Variants in GALC observed in about 807,000 individuals in gnomAD.
GALC encodes galactosylceramidase.
A neutral mutation model predicts 91.8 loss-of-function variants in GALC; 77 were observed. The ratio of observed to expected loss-of-function variants is 0.84; its 90% CI spans 0.70 to 1.01. GALC has a LOEUF of 1.01. Ranked by LOEUF, GALC falls within the 50% of genes least tolerant of loss-of-function variation. GALC has a pLI of 0.00. For synonymous variants in GALC, 357 were observed against 306.7 expected, an observed-to-expected ratio of 1.16 and a Z score of -1.71; for missense variants, 882 against 855.9, an observed-to-expected ratio of 1.03 and a Z score of -0.38.
rs1332769702 is a variant in GALC at position 87,988,177 on chromosome 14, T to C, written c.295A>G (p.Lys99Glu). 6 of 1,613,696 alleles carry C rather than the reference T, an allele frequency of 3.7e-6. No homozygotes were observed. The African/African-American group carries it at 6.7e-5, about 18-fold the overall frequency. Residue 99 changes from lysine to glutamate, a missense_variant, in exon 3 of 17, where the codon AAA (lysine) becomes GAA (glutamate). Lys to Glu is a moderately conservative substitution (Grantham distance 56). Transcript: ENST00000261304. The stretch of plus-strand genomic sequence containing the variant: ...TGCCCATCACCACCTATTTCCACTT[T>C]TAAAATATGCAAAGAGGCACCAAAA... The part of the protein sequence containing the change: ...PNFGASLHIL[K>E]VEIGGDGQTT...
intron 10 of GALC, chr14:87,955,333 T>G (rs17760198): frequency 0.12 from 72,059 of 586,718 alleles, 5,193 homozygotes; most frequent in Non-Finnish European, 0.15. Flanking sequence ...GAATTTCAAT[T>G]AAAACTTTTT....
At position 87,965,610 on chromosome 14, in the gene GALC, C is replaced by G; in HGVS notation, c.928G>C (p.Val310Leu). Residue 310 changes from valine (V) to leucine (L), a missense_variant, in exon 9 of 17, where the codon GTG becomes CTG. Val to Leu is a conservative substitution (Grantham distance 32). Coordinates refer to ENST00000261304, the MANE Select transcript of GALC (RefSeq NM_000153.4). ...GGCAACTGTTCATAGTAACTAGCCA[C>G]TAAATTCCATGCGATTGTGCTAAAA... ...YMTSTIAWNLVASYYEQLPYG... is the reference protein window; with the variant it reads ...YMTSTIAWNLLASYYEQLPYG... The G allele has an allele frequency of 2.5e-6, 4 of 1,613,338 alleles. No individual in the cohort carries two copies. Among genetic ancestry groups the G allele is most frequent in the Non-Finnish European group, 3.4e-6 (4 of 1,179,572 alleles).
intron 4 of GALC, among the ~76,000 whole-genome samples, chr14:87,984,963 A>T (rs1441999388): frequency 1.3e-5 from 2 of 152,180 alleles, no homozygotes; most frequent in African/African-American, 4.8e-5. Context: ...GTATAACACA[A>T]ATTTATCATT....
chr14:87,993,600 T>C (rs776599054), upstream of GALC: 10 of 841,658 alleles, frequency 1.2e-5, no homozygotes, highest in Non-Finnish European at 1.9e-5. Context: ...GCCTGAGTTT[T>C]CCCTTATGTG....
chr14:87,984,984 T>C (rs989974157), intron 4 of GALC, among the ~76,000 whole-genome samples: 1 of 152,204 alleles, frequency 6.6e-6, no homozygotes, highest in Non-Finnish European at 1.5e-5. Flanking sequence ...CAATTGTACA[T>C]CTTCTTACAA....
At chr14:87,963,227 G>T in intron 10 of GALC, 157 bp downstream of exon 10, 3 of 687,682 alleles carry the variant, frequency 4.4e-6, no homozygotes, top group East Asian at 5.7e-5. Context: ...TATGTTTTAC[G>T]ACTCATGGCT....
At chr14:87,993,383 T>C (rs1315783402), upstream of GALC, 1 of 1,535,734 alleles carries the variant, frequency 6.5e-7, no homozygotes, top group Non-Finnish European at 8.7e-7. Context: ...ATGTACTTAC[T>C]GCTGGCTTCT....
intron 13 of GALC, among the ~76,000 whole-genome samples, chr14:87,945,950 A>G (rs984211305): frequency 6.6e-6 from 1 of 152,088 alleles, no homozygotes; most frequent in Admixed American, 6.6e-5. Flanking sequence ...TAGATGCTGC[A>G]TAATATTTAA....
chr14:87,970,005 G>T (rs1289247208), intron 7 of GALC, among the ~76,000 whole-genome samples: 1 of 152,170 alleles, frequency 6.6e-6, no homozygotes, highest in Non-Finnish European at 1.5e-5. Context: ...CAGAAATCTA[G>T]CATCTAACAG....
At chr14:87,954,600 C>T in intron 10 of GALC, 1 of 1,588,134 alleles carries the variant, frequency 6.3e-7, no homozygotes, top group South Asian at 1.1e-5. Context: ...CAAAAAAGTG[C>T]ACCTTCCTTT....
At chr14:87,954,045 G>A (rs1280235666) in intron 10 of GALC, 15 of 1,609,668 alleles carry the variant, frequency 9.3e-6, no homozygotes, top group Admixed American at 1.7e-5. Context: ...ATGGGTTGGC[G>A]AGACAGTACT....
chr14:87,952,269 C>G (rs78140438), intron 10 of GALC, among the ~76,000 whole-genome samples: 1 of 151,724 alleles, frequency 6.6e-6, no homozygotes, highest in Non-Finnish European at 1.5e-5. Flanking sequence ...AAAACATACA[C>G]TTCAACAATA....
rs530801820 is a variant in GALC, at chr14:87,947,488, T to G, written c.1489+240A>C. On this transcript the variant is annotated intron_variant, in intron 13 of 16. Coordinates refer to ENST00000261304, the MANE Select transcript of GALC (RefSeq NM_000153.4). ...CCAAAAACAAATCAGAACTATAACT[T>G]TCATTCTAACAATGAACCCTATATT... 1.3e-4 allele frequency among the ~76,000 whole-genome samples: 20 copies of G among 152,162 alleles called. No homozygotes were observed. In the South Asian group the frequency reaches 4.1e-3, roughly 32 times the overall value.
At chr14:87,955,687 C>A (rs967869680) in intron 10 of GALC, among the ~76,000 whole-genome samples, 5 of 152,026 alleles carry the variant, frequency 3.3e-5, no homozygotes, top group Non-Finnish European at 7.4e-5. Flanking sequence ...GCGTGTCTTT[C>A]TATAAAAAGC....
At chr14:87,959,682 T>C (rs1885713849) in intron 10 of GALC, 1 of 149,270 alleles carries the variant, frequency 6.7e-6, no homozygotes, top group Non-Finnish European at 1.5e-5. Context: ...ATTGCACCAC[T>C]GTACTCCAGC....
At chr14:87,979,034 C>T (rs916163699) in intron 6 of GALC, among the ~76,000 whole-genome samples, 1 of 151,300 alleles carries the variant, frequency 6.6e-6, no homozygotes, top group African/African-American at 2.4e-5. Context: ...ATAGGCATTT[C>T]TTTTTTTTTC....
At chr14:87,977,749 T>G (rs1886562106) in intron 6 of GALC, among the ~76,000 whole-genome samples, 1 of 152,226 alleles carries the variant, frequency 6.6e-6, no homozygotes, top group East Asian at 1.9e-4. Flanking sequence ...CTAGGGCAAT[T>G]TCCAATTAAT....
At chr14:87,974,210 T>C (rs1322803931) in intron 7 of GALC, among the ~76,000 whole-genome samples, 2 of 149,392 alleles carry the variant, frequency 1.3e-5, no homozygotes, top group East Asian at 1.9e-4. Flanking sequence ...ATGCAAGCAA[T>C]GCACATAAAA....
intron 10 of GALC, chr14:87,952,871 C>T (rs1241781139): frequency 1.7e-5 from 18 of 1,060,106 alleles, no homozygotes; most frequent in East Asian, 1.5e-4. Context: ...GATTTGAAAG[C>T]ATAGTTCTGC....
Sources: gnomAD v4.1 joint callset for allele counts (sites outside exome capture counted in the v4.1 genomes callset) on GRCh38, gnomAD v4.1.1 for gene constraint, MANE v1.5 for transcripts, NCBI Gene and HGNC (gene_info 2026-07-23, HGNC 2026-07-21) for gene names.